TAF4B: variants seen among roughly 807,000 people sequenced by gnomAD.
TAF4B encodes the protein transcription initiation factor TFIID subunit 4B.
In TAF4B, 38 loss-of-function variants were observed where a neutral mutation model predicts 86.4. The observed-to-expected ratio is 0.44, with a 90% CI of 0.34 to 0.58. The LOEUF (loss-of-function observed/expected upper bound fraction) is 0.58, where lower values mean the gene tolerates loss of function less well. Among genes scored for constraint, TAF4B ranks in the 20% least tolerant of loss-of-function variants. The pLI, the probability that TAF4B is intolerant of heterozygous loss-of-function variation, is 0.02. For missense variants in TAF4B, 988 were observed against 1,027.6 expected, an observed-to-expected ratio of 0.96 and a Z score of 0.53; for synonymous variants, 388 against 391.2, an observed-to-expected ratio of 0.99 and a Z score of 0.10.
At chr18:26,315,539 A>G (rs2056902923) in intron 10 of TAF4B, 141 bp downstream of exon 10, 1 of 533,192 alleles carries the variant, frequency 1.9e-6, no homozygotes. Context: ...TTTCATGGGC[A>G]TTACAGAAAG....
intron 9 of TAF4B, 99 bp downstream of exon 9, chr18:26,293,630 C>T (rs367819114): frequency 1.5e-6 from 1 of 657,238 alleles, no homozygotes; most frequent in East Asian, 3.1e-5. Flanking sequence ...TATACTGATG[C>T]CTTTTTACAA....
At chr18:26,360,370 T>C (rs1411681681) in intron 14 of TAF4B, among the ~76,000 whole-genome samples, 2 of 152,170 alleles carry the variant, frequency 1.3e-5, no homozygotes, top group Non-Finnish European at 2.9e-5. Flanking sequence ...CTTTTTCCCA[T>C]GGAGTTACAT....
At chr18:26,237,017 C>T (rs556879351) in intron 1 of TAF4B, among the ~76,000 whole-genome samples, 1 of 152,274 alleles carries the variant, frequency 6.6e-6, no homozygotes, top group African/African-American at 2.4e-5. Context: ...TGGTGGACAT[C>T]ATTGAATAAT....
intron 9 of TAF4B, among the ~76,000 whole-genome samples, chr18:26,296,005 T>TGTGC (rs954108584): frequency 2.6e-5 from 4 of 151,792 alleles, no homozygotes; most frequent in African/African-American, 9.7e-5. Context: ...TGTGTGTGTG[T>TGTGC]GTGTGTTTCA....
chr18:26,233,546 T>TTA (rs1156771226), intron 1 of TAF4B, among the ~76,000 whole-genome samples: 1 of 152,114 alleles, frequency 6.6e-6, no homozygotes, highest in Non-Finnish European at 1.5e-5. Context: ...TTGTAGGGTG[T>TTA]AATTATGCTG....
At chr18:26,264,716 C>CT (rs1166451901) in intron 1 of TAF4B, among the ~76,000 whole-genome samples, 1 of 152,144 alleles carries the variant, frequency 6.6e-6, no homozygotes, top group Admixed American at 6.5e-5. Flanking sequence ...CAAATTTTAT[C>CT]TTTTTCGTAT....
chr18:26,266,996 T>C (rs1450970695), intron 2 of TAF4B: 1 of 152,238 alleles, frequency 6.6e-6, no homozygotes, highest in Non-Finnish European at 1.5e-5. Flanking sequence ...GATTGCATTG[T>C]TTTTTATAAT....
chr18:26,312,207 C>G (rs2056860418), intron 9 of TAF4B, among the ~76,000 whole-genome samples: 1 of 152,208 alleles, frequency 6.6e-6, no homozygotes, highest in South Asian at 2.1e-4. Flanking sequence ...AAATTAAAAC[C>G]AAACCAGAAT....
intron 10 of TAF4B, among the ~76,000 whole-genome samples, chr18:26,316,105 T>C (rs2056908552): frequency 6.6e-6 from 1 of 151,696 alleles, no homozygotes; most frequent in East Asian, 2.0e-4. Context: ...CTCGGGAGGC[T>C]GAGGCATGAG....
intron 12 of TAF4B, 107 bp downstream of exon 12, chr18:26,327,247 A>G: frequency 7.1e-7 from 1 of 1,400,172 alleles, no homozygotes; most frequent in Non-Finnish European, 9.5e-7. Flanking sequence ...AGATTTCTCC[A>G]GAGGATTTCC....
intron 1 of TAF4B, among the ~76,000 whole-genome samples, chr18:26,249,317 A>G (rs991157346): frequency 6.6e-6 from 1 of 152,186 alleles, no homozygotes; most frequent in African/African-American, 2.4e-5. Context: ...GGTCTCTACT[A>G]AAAATACACA....
chr18:26,376,098 A>G (rs2057440838), intron 14 of TAF4B, among the ~76,000 whole-genome samples: 1 of 152,090 alleles, frequency 6.6e-6, no homozygotes, highest in Non-Finnish European at 1.5e-5. Context: ...CACTGTCTTG[A>G]GTACTATAAC....
At chr18:26,386,428 T>A (rs1449012352) in intron 14 of TAF4B, among the ~76,000 whole-genome samples, 1 of 152,212 alleles carries the variant, frequency 6.6e-6, no homozygotes, top group Non-Finnish European at 1.5e-5. Context: ...TAATTTTTTT[T>A]ATTGAAATAT....
At chr18:26,378,464 T>G (rs1273752860) in intron 14 of TAF4B, among the ~76,000 whole-genome samples, 1 of 152,200 alleles carries the variant, frequency 6.6e-6, no homozygotes, top group African/African-American at 2.4e-5. Context: ...CTTCTCATAC[T>G]TCTATACCAA....
intron 9 of TAF4B, among the ~76,000 whole-genome samples, chr18:26,301,293 T>C (rs2056729145): frequency 8.2e-6 from 1 of 121,600 alleles, no homozygotes; most frequent in South Asian, 2.2e-4. Flanking sequence ...GTTGTTGTTG[T>C]TTTTTTTTTT....
At chr18:26,384,666 C>T (rs1196899763) in intron 14 of TAF4B, among the ~76,000 whole-genome samples, 1 of 152,188 alleles carries the variant, frequency 6.6e-6, no homozygotes, top group Non-Finnish European at 1.5e-5. Flanking sequence ...GAAAAAAGGT[C>T]TGGAGCTAGA....
At position 26,227,155 on chromosome 18, in the gene TAF4B, T is replaced by C; in HGVS notation, c.222T>C (p.Ala74=). 1 of 1,614,090 alleles carries C rather than the reference T, an allele frequency of 6.2e-7. No homozygotes were observed. Among genetic ancestry groups the C allele is most frequent in the Non-Finnish European group, 8.5e-7 (1 of 1,180,008 alleles). The change falls in exon 1 of 15, where the codon GCT becomes GCC. Residue 74 remains alanine (A), a synonymous_variant. Transcript: ENST00000269142. ...SPVGTLVTKV[A]PVSAPPKVSS... is the part of the protein sequence containing the mutation. The stretch of plus-strand genomic sequence containing the variant: ...TGGGGACCCTGGTGACCAAAGTGGC[T>C]CCGGTCAGCGCCCCTCCTAAAGTCA...
chr18:26,290,870 T>C (rs1395066074), intron 7 of TAF4B, among the ~76,000 whole-genome samples: 1 of 152,220 alleles, frequency 6.6e-6, no homozygotes, highest in Non-Finnish European at 1.5e-5. Context: ...TCAGTCTGAA[T>C]GCATAAAATG....
At position 26,281,695 on chromosome 18, in the gene TAF4B, GTAA is replaced by G. The variant is rs200916917; in HGVS notation, c.883-271_883-269del. Among the ~76,000 whole-genome samples, 296 of 152,186 alleles carry G rather than the reference GTAA, an allele frequency of 1.9e-3. 1 individual carries two copies. Among genetic ancestry groups the G allele is most frequent in the African/African-American group, 7.0e-3 (290 of 41,524 alleles). On this transcript the variant is annotated intron_variant, in intron 5 of 14. Transcript: ENST00000269142. ...AATTCTTAATTGTTCTTAACAGATT[GTAA>G]TAATGTAGTATTACTTAACCCATCA...
Sources: allele counts gnomAD v4.1 joint callset (sites outside exome capture counted in the v4.1 genomes callset), GRCh38; gene constraint gnomAD v4.1.1; transcripts MANE v1.5; gene names NCBI Gene and HGNC (gene_info 2026-07-23, HGNC 2026-07-21).